IFT74: variants seen among roughly 807,000 people sequenced by gnomAD.
The protein encoded by IFT74 is intraflagellar transport 74.
In IFT74, 92 loss-of-function variants were observed where a neutral mutation model predicts 96.7. That is an observed-to-expected ratio of 0.95 (90% CI 0.80 to 1.13). The LOEUF is 1.13. Ranked by LOEUF, IFT74 falls within the 50% of genes most tolerant of loss-of-function variation. The probability of loss-of-function intolerance (pLI) is 0.00; values close to 1 mark genes in which losing one functional copy is unlikely to be tolerated. For missense variants in IFT74, 811 were observed against 698.2 expected (o/e 1.16, Z -1.82); for synonymous variants, 223 against 213.2 (o/e 1.05, Z -0.40).
At chr9:26,948,612 G>T (rs1825835653) in intron 1 of IFT74, among the ~76,000 whole-genome samples, 1 of 151,456 alleles carries the variant, frequency 6.6e-6, no homozygotes, top group Non-Finnish European at 1.5e-5. Context: ...GACTACAGGA[G>T]CGCGCCACCA....
intron 10 of IFT74, among the ~76,000 whole-genome samples, chr9:27,014,627 T>G (rs1364371783): frequency 6.6e-6 from 1 of 152,230 alleles, no homozygotes; most frequent in Non-Finnish European, 1.5e-5. Context: ...AAAATTTTTT[T>G]GAGACAGAGT....
At position 27,036,568 on chromosome 9, in the gene IFT74, G is replaced by A. The variant is rs1334678833; in HGVS notation, c.1054+7464G>A. 2.5e-6 allele frequency: 4 copies of A among 1,597,044 alleles called. No individual in the cohort carries two copies. In the Admixed American group the frequency reaches 5.2e-5, roughly 21 times the overall value. ...ATCCATTTGAACTGAAGAATACCCTGCTATAGCCTCCCATTGTTTCACAGA... is the reference window on the plus strand; with the variant it reads ...ATCCATTTGAACTGAAGAATACCCTACTATAGCCTCCCATTGTTTCACAGA... On this transcript the variant is annotated intron_variant, in intron 13 of 19. Transcript: ENST00000380062.
chr9:27,051,258 G>A (rs1269073909), intron 16 of IFT74, among the ~76,000 whole-genome samples: 2 of 152,050 alleles, frequency 1.3e-5, no homozygotes, highest in Non-Finnish European at 2.9e-5. Context: ...CATTAGTAGT[G>A]GTGATATAGG....
rs1039062414 is a variant in IFT74 at position 27,064,488 on chromosome 9, G to A, written c.*1752G>A. Among the ~76,000 whole-genome samples the A allele has an allele frequency of 6.6e-6, 1 of 152,082 alleles. No homozygotes were observed. Among genetic ancestry groups the A allele is most frequent in the Non-Finnish European group, 1.5e-5 (1 of 67,962 alleles). ...CTTCGTTCATTCATAAAGTATTACT[G>A]TAATTTGGTGATTAGGAGCCTTTAT... On this transcript the variant is annotated 3_prime_UTR_variant, in exon 20 of 20. Coordinates refer to ENST00000380062, the MANE Select transcript of IFT74 (RefSeq NM_025103.4).
At chr9:26,980,477 G>A in intron 3 of IFT74, 94 bp from the exon 4 acceptor site, 1 of 785,866 alleles carries the variant, frequency 1.3e-6, no homozygotes, top group Non-Finnish European at 2.3e-6. Context: ...AGACTGTCTT[G>A]AGAATTGTGG....
chr9:27,061,042 A>G (rs1820398480), intron 19 of IFT74: 1 of 249,176 alleles, frequency 4.0e-6, no homozygotes, highest in Non-Finnish European at 8.1e-6. Flanking sequence ...TTTTTTAAAG[A>G]CTCAAATTTA....
chr9:27,025,434 C>G (rs930307764), intron 12 of IFT74, among the ~76,000 whole-genome samples: 1 of 120,096 alleles, frequency 8.3e-6, no homozygotes, highest in East Asian at 2.7e-4. Flanking sequence ...CAGAGTGAGA[C>G]TCCATCTCCA....
intron 18 of IFT74, among the ~76,000 whole-genome samples, chr9:27,059,663 A>C (rs147139514): frequency 7.4e-4 from 113 of 152,346 alleles, no homozygotes; most frequent in African/African-American, 2.5e-3. Context: ...CTCACAGCAC[A>C]TACAGTTCAC....
At chr9:27,048,767 C>A (rs907102419) in intron 16 of IFT74, among the ~76,000 whole-genome samples, 1 of 152,186 alleles carries the variant, frequency 6.6e-6, no homozygotes, top group African/African-American at 2.4e-5. Context: ...TATGTTTATA[C>A]ACAGACTAGC....
At chr9:26,995,366 A>G (rs1828088082) in intron 8 of IFT74, 2 of 573,080 alleles carry the variant, frequency 3.5e-6, no homozygotes, top group South Asian at 2.1e-5. Flanking sequence ...TGCTTGCTCA[A>G]TATAATGCAA....
At chr9:27,034,066 T>C (rs1830248265) in intron 13 of IFT74, among the ~76,000 whole-genome samples, 1 of 152,142 alleles carries the variant, frequency 6.6e-6, no homozygotes, top group Non-Finnish European at 1.5e-5. Flanking sequence ...GATTGACAAA[T>C]AGAGTTAACA....
rs757345015 is a variant in IFT74, at chr9:27,017,029, G to C, written c.912G>C (p.Glu304Asp). The change falls in exon 11 of 20, where the codon GAG becomes GAC. Residue 304 changes from glutamate to aspartate, a missense_variant. Physicochemically the swap from Glu to Asp is conservative, Grantham distance 45. Coordinates refer to ENST00000380062, the MANE Select transcript of IFT74 (RefSeq NM_025103.4). ...EDKSIGSPMEEREKLLKQIKD... is the reference protein window; with the variant it reads ...EDKSIGSPMEDREKLLKQIKD... ...AAAGCATAGGATCTCCAATGGAAGA[G>C]AGAGAGAAATTACTTAAGCAGGTGG... 8 of 1,605,696 alleles carry C rather than the reference G, an allele frequency of 5.0e-6. No individual in the cohort carries two copies. Among genetic ancestry groups the C allele is most frequent in the Non-Finnish European group, 6.8e-6 (8 of 1,177,088 alleles).
chr9:26,961,014 A>G (rs1467934174), intron 1 of IFT74, among the ~76,000 whole-genome samples: 1 of 151,574 alleles, frequency 6.6e-6, no homozygotes, highest in Non-Finnish European at 1.5e-5. Context: ...GAAGTCACTA[A>G]TTACCAGCAA....
At chr9:27,060,057 T>G (rs948110963) in intron 18 of IFT74, among the ~76,000 whole-genome samples, 2 of 152,218 alleles carry the variant, frequency 1.3e-5, no homozygotes, top group Non-Finnish European at 2.9e-5. Flanking sequence ...TTCCTGTTGA[T>G]GCAGAAATTA....
intron 6 of IFT74, among the ~76,000 whole-genome samples, chr9:26,986,696 C>T (rs1827653882): frequency 6.6e-6 from 1 of 152,102 alleles, no homozygotes; most frequent in Non-Finnish European, 1.5e-5. Context: ...GATTGTAGTT[C>T]ACTGCAGCCT....
At position 27,062,001 on chromosome 9, in the gene IFT74, C is replaced by G. The variant is rs908331623; in HGVS notation, c.1685-617C>G. On this transcript the variant is annotated intron_variant, in intron 19 of 19. Coordinates refer to ENST00000380062, the MANE Select transcript of IFT74 (RefSeq NM_025103.4). Reference sequence around the variant, plus strand: ...CCTTCTTTGACCCATTCAAGGATGTCTCTGCCTGGAGAACTAGATCCTGAC... The same window carrying G: ...CCTTCTTTGACCCATTCAAGGATGTGTCTGCCTGGAGAACTAGATCCTGAC... 9.9e-5 allele frequency among the ~76,000 whole-genome samples: 15 copies of G among 152,192 alleles called. No homozygotes were observed. The highest frequency in any genetic ancestry group is 3.6e-4 in the African/African-American group (15 of 41,442).
intron 2 of IFT74, among the ~76,000 whole-genome samples, chr9:26,977,557 C>T (rs188593804): frequency 1.3e-5 from 2 of 152,232 alleles, no homozygotes; most frequent in East Asian, 1.9e-4. Flanking sequence ...GGCATGATCT[C>T]GGCTCACTGC....
intron 14 of IFT74, among the ~76,000 whole-genome samples, chr9:27,045,996 T>C (rs1587409683): frequency 1.3e-5 from 2 of 152,302 alleles, no homozygotes; most frequent in African/African-American, 4.8e-5. Context: ...ATTTAATGAA[T>C]GTTTACTGAA....
At chr9:27,061,700 C>T (rs1346527761) in intron 19 of IFT74, among the ~76,000 whole-genome samples, 1,518 of 127,276 alleles carry the variant, frequency 0.012, 26 homozygotes, top group African/African-American at 0.042. Flanking sequence ...TATATATGTA[C>T]ATAATATATA....
Sources: allele counts gnomAD v4.1 joint callset (sites outside exome capture counted in the v4.1 genomes callset), GRCh38; gene constraint gnomAD v4.1.1; transcripts MANE v1.5; gene names NCBI Gene and HGNC (gene_info 2026-07-23, HGNC 2026-07-21).